The following DCX variants were observed in gnomAD, a reference collection of about 807,000 sequenced individuals.
DCX encodes the protein neuronal migration protein doublecortin.
In DCX, 4 loss-of-function variants were observed where a neutral mutation model predicts 20.9. The observed-to-expected ratio is 0.19, with a 90% CI of 0.09 to 0.44. The LOEUF (loss-of-function observed/expected upper bound fraction) is 0.44. DCX is among the 20% of genes least tolerant of loss of function. The probability of loss-of-function intolerance (pLI) is 0.99; values close to 1 mark genes in which losing one functional copy is unlikely to be tolerated. For missense variants in DCX, 133 were observed against 296.9 expected (o/e 0.45, Z 4.06); for synonymous variants, 103 against 111.4 (o/e 0.92, Z 0.47).
At chrX:111,339,271 T>A (rs772528922) in intron 3 of DCX, among the ~76,000 whole-genome samples, 1 of 112,016 alleles carries the variant, frequency 8.9e-6, no homozygotes, top group Non-Finnish European at 1.9e-5. Context: ...ATGTTGAAAC[T>A]TACTCCCCAA....
At chrX:111,353,525 T>G (rs1925570407) in intron 3 of DCX, among the ~76,000 whole-genome samples, 1 of 111,761 alleles carries the variant, frequency 8.9e-6, no homozygotes, top group Non-Finnish European at 1.9e-5. Context: ...GAAAAAAAGA[T>G]AGAGAGAAAT....
At chrX:111,343,476 CAG>C (rs1922496639) in intron 3 of DCX, among the ~76,000 whole-genome samples, 1 of 106,340 alleles carries the variant, frequency 9.4e-6, no homozygotes, top group African/African-American at 3.4e-5. Context: ...CAGGACCAGA[CAG>C]ATTCACAGCC....
chrX:111,337,363 C>A (rs1453837157), intron 3 of DCX, among the ~76,000 whole-genome samples: 1 of 110,366 alleles, frequency 9.1e-6, no homozygotes, highest in African/African-American at 3.3e-5. Context: ...AACATTGAAC[C>A]ATTAACTCAA....
At chrX:111,410,679 G>T in intron 1 of DCX, 1 of 1,049,100 alleles carries the variant, frequency 9.5e-7, no homozygotes, top group Non-Finnish European at 1.3e-6. Context: ...GAGATAGAGA[G>T]GGAGGCACTC....
intron 3 of DCX, among the ~76,000 whole-genome samples, chrX:111,372,248 T>TC (rs1925159709): frequency 8.9e-6 from 1 of 112,019 alleles, no homozygotes; most frequent in Non-Finnish European, 1.9e-5. Flanking sequence ...CGCTTTTTTT[T>TC]CCCCATTAAC....
chrX:111,313,664 C>T (rs1449142804), intron 5 of DCX, among the ~76,000 whole-genome samples: 1 of 111,394 alleles, frequency 9.0e-6, no homozygotes, highest in Non-Finnish European at 1.9e-5. Flanking sequence ...GTTTTATATT[C>T]CCTTGCTAAT....
chrX:111,329,679 G>C (rs1360837127), intron 5 of DCX, among the ~76,000 whole-genome samples: 1 of 111,698 alleles, frequency 9.0e-6, no homozygotes, highest in Non-Finnish European at 1.9e-5. Context: ...CAAAGACATG[G>C]AAGTACTAAA....
At chrX:111,311,513 T>C (rs180691538) in intron 6 of DCX, among the ~76,000 whole-genome samples, 4 of 112,162 alleles carry the variant, frequency 3.6e-5, no homozygotes. Flanking sequence ...ATTCCCACCA[T>C]GGCCAAATTC....
intron 3 of DCX, among the ~76,000 whole-genome samples, chrX:111,341,786 G>A (rs976059050): frequency 4.5e-5 from 5 of 111,033 alleles, no homozygotes; most frequent in Non-Finnish European, 7.5e-5. Context: ...AGCTTCATAA[G>A]CAAAGGAGAA....
At chrX:111,353,959 T>C (rs184836558) in intron 3 of DCX, among the ~76,000 whole-genome samples, 1 of 112,195 alleles carries the variant, frequency 8.9e-6, no homozygotes, top group African/African-American at 3.2e-5. Flanking sequence ...AAGTTTTGAC[T>C]CATACCAGTT....
At chrX:111,350,089 A>T (rs1333949120) in intron 3 of DCX, among the ~76,000 whole-genome samples, 8 of 111,812 alleles carry the variant, frequency 7.2e-5, no homozygotes, top group Non-Finnish European at 1.3e-4. Context: ...GCAACCTCTC[A>T]GGCAGGGTGC....
intron 2 of DCX, among the ~76,000 whole-genome samples, chrX:111,407,571 G>A (rs1459545106): frequency 9.0e-6 from 1 of 111,368 alleles, no homozygotes. Flanking sequence ...GTGCCTTGTA[G>A]TTGTACATGA....
At chrX:111,355,189 T>G (rs1923633537) in intron 3 of DCX, among the ~76,000 whole-genome samples, 1 of 112,003 alleles carries the variant, frequency 8.9e-6, no homozygotes, top group African/African-American at 3.2e-5. Flanking sequence ...AGAAAAAGAT[T>G]TTTTTTTAAA....
chrX:111,399,830 A>G (rs1397925247), intron 3 of DCX, among the ~76,000 whole-genome samples: 1 of 111,844 alleles, frequency 8.9e-6, no homozygotes, highest in African/African-American at 3.3e-5. Flanking sequence ...GAAGTCAGGT[A>G]TAACCAATGT....
intron 3 of DCX, among the ~76,000 whole-genome samples, chrX:111,348,732 A>C (rs144148156): frequency 5.4e-5 from 6 of 110,711 alleles, no homozygotes; most frequent in Non-Finnish European, 1.1e-4. Context: ...AGTAAGGTCA[A>C]TTAAAATAAG....
intron 3 of DCX, among the ~76,000 whole-genome samples, chrX:111,368,892 A>G (rs1387709801): frequency 4.1e-5 from 4 of 97,743 alleles, no homozygotes; most frequent in East Asian, 2.9e-4. Context: ...CGGGATATAT[A>G]TATATACATA....
At chrX:111,359,505 G>A (rs1165259266) in intron 3 of DCX, among the ~76,000 whole-genome samples, 2 of 111,411 alleles carry the variant, frequency 1.8e-5, no homozygotes, top group African/African-American at 3.3e-5. Context: ...ACCCAAAACC[G>A]AAGCCATAAA....
intron 3 of DCX, among the ~76,000 whole-genome samples, chrX:111,378,485 A>G (rs1418139388): frequency 8.9e-6 from 1 of 111,888 alleles, no homozygotes; most frequent in East Asian, 2.8e-4. Flanking sequence ...GGTTTATGGT[A>G]TCTCTTTGAC....
At chrX:111,321,180 C>T (rs769464295) in intron 5 of DCX, among the ~76,000 whole-genome samples, 7 of 111,660 alleles carry the variant, frequency 6.3e-5, no homozygotes, top group Non-Finnish European at 1.1e-4. Context: ...TTTCATTCAC[C>T]GAACCAGCTG....
Sources: gnomAD v4.1 joint callset for allele counts (sites outside exome capture counted in the v4.1 genomes callset) on GRCh38, gnomAD v4.1.1 for gene constraint, MANE v1.5 for transcripts, NCBI Gene and HGNC (gene_info 2026-07-23, HGNC 2026-07-21) for gene names.